NBEA: variants seen among roughly 807,000 people sequenced by gnomAD.
The protein encoded by NBEA is lysosomal-trafficking regulator 2.
A neutral mutation model predicts 343.4 loss-of-function variants in NBEA; 44 were observed. The ratio of observed to expected loss-of-function variants is 0.13; its 90% CI spans 0.10 to 0.16. The LOEUF (loss-of-function observed/expected upper bound fraction) is 0.16, where lower values mean the gene tolerates loss of function less well. Among genes scored for constraint, NBEA ranks in the 10% least tolerant of loss-of-function variants. NBEA has a pLI of 1.00. For missense variants in NBEA, 2,555 were observed against 3,631.3 expected (o/e 0.70, Z 7.62); for synonymous variants, 1,175 against 1,238.7 (o/e 0.95, Z 1.08).
intron 37 of NBEA, among the ~76,000 whole-genome samples, chr13:35,350,503 T>A (rs1438784937): frequency 6.6e-6 from 1 of 152,076 alleles, no homozygotes; most frequent in Non-Finnish European, 1.5e-5. Context: ...ACACCAATTT[T>A]TCACTCTTAG....
At chr13:34,954,073 T>C (rs909065499) in intron 1 of NBEA, among the ~76,000 whole-genome samples, 1 of 152,174 alleles carries the variant, frequency 6.6e-6, no homozygotes, top group African/African-American at 2.4e-5. Flanking sequence ...GCCAAAAAGG[T>C]TGGGGATCGC....
rs759250642 is a variant in NBEA at position 35,667,489 on chromosome 13, A to G, written c.8580A>G (p.Ile2860Met). 2 of 1,614,030 alleles carry G rather than the reference A, an allele frequency of 1.2e-6. No individual in the cohort carries two copies. Among genetic ancestry groups the G allele is most frequent in the Non-Finnish European group, 8.5e-7 (1 of 1,179,884 alleles). ...ISVSSEGHCI[I>M]YYERGRFSNF... ...TCTCCAGCGAAGGCCACTGTATCAT[A>G]TACTATGAACGAGGGCGATTCAGTA... is the stretch of plus-strand genomic sequence containing the variant. Residue 2860 changes from isoleucine to methionine, a missense_variant, in exon 57 of 59, where the codon ATA becomes ATG. Ile to Met is a conservative substitution (Grantham distance 10). Transcript: ENST00000379939.
chr13:35,013,810 G>A (rs1257181157), intron 1 of NBEA, among the ~76,000 whole-genome samples: 2 of 151,974 alleles, frequency 1.3e-5, no homozygotes, highest in Non-Finnish European at 2.9e-5. Flanking sequence ...GCTACATTTT[G>A]CTTTTAGTTT....
intron 1 of NBEA, among the ~76,000 whole-genome samples, chr13:34,969,728 C>A (rs2059940063): frequency 6.6e-6 from 1 of 151,322 alleles, no homozygotes; most frequent in South Asian, 2.1e-4. Flanking sequence ...TTATCTCATT[C>A]TTTTTTATGG....
chr13:35,566,005 A>G (rs2080120506), intron 44 of NBEA, among the ~76,000 whole-genome samples: 1 of 152,208 alleles, frequency 6.6e-6, no homozygotes, highest in South Asian at 2.1e-4. Context: ...CATTCTTGAT[A>G]TAAGTTTAAC....
intron 55 of NBEA, 101 bp from the exon 56 acceptor site, chr13:35,664,984 C>A: frequency 1.3e-6 from 1 of 776,482 alleles, no homozygotes; most frequent in Non-Finnish European, 2.2e-6. Flanking sequence ...AATAATAATG[C>A]CCTTAATAAA....
chr13:35,664,632 T>TCCAA (rs1201567893), intron 55 of NBEA, among the ~76,000 whole-genome samples: 1 of 152,216 alleles, frequency 6.6e-6, no homozygotes, highest in Admixed American at 6.5e-5. Flanking sequence ...TAGGTTCAAT[T>TCCAA]CCAACCCTTA....
Position 35,278,092 on chromosome 13 carries a change from AAT to A in NBEA, c.5777-12283_5777-12282del, listed in dbSNP as rs979139312. ...ACAAGAGCAAAACTCCATCTCAAAA[AAT>A]ATATATATATATAAAATATATATAT... On this transcript the variant is annotated intron_variant, in intron 34 of 58. Coordinates refer to ENST00000379939, the MANE Select transcript of NBEA (RefSeq NM_001385012.1). Among the ~76,000 whole-genome samples, 8 of 147,738 alleles carry A rather than the reference AAT, an allele frequency of 5.4e-5. No individual in the cohort carries two copies. The East Asian group carries it at 7.8e-4, about 14-fold the overall frequency.
chr13:34,971,329 A>C (rs2059990982), intron 1 of NBEA, among the ~76,000 whole-genome samples: 1 of 152,082 alleles, frequency 6.6e-6, no homozygotes, highest in East Asian at 1.9e-4. Flanking sequence ...AAACAGGGTT[A>C]GTTTGACTCC....
chr13:35,343,649 C>T (rs1210428229), intron 36 of NBEA, among the ~76,000 whole-genome samples: 1 of 152,092 alleles, frequency 6.6e-6, no homozygotes, highest in East Asian at 1.9e-4. Flanking sequence ...TGAGCTCCGC[C>T]TCCTGTCAGA....
intron 49 of NBEA, among the ~76,000 whole-genome samples, chr13:35,636,449 A>G (rs538421294): frequency 2.6e-5 from 4 of 152,308 alleles, no homozygotes; most frequent in Admixed American, 1.3e-4. Flanking sequence ...TCAATTTGGA[A>G]TATTTATACC....
At chr13:35,578,568 G>A (rs897683073) in intron 45 of NBEA, among the ~76,000 whole-genome samples, 3 of 152,272 alleles carry the variant, frequency 2.0e-5, no homozygotes, top group Middle Eastern at 3.4e-3. Flanking sequence ...GTGGAATGTG[G>A]AGACCCAGGT....
intron 11 of NBEA, among the ~76,000 whole-genome samples, chr13:35,107,098 A>G (rs1272167444): frequency 6.6e-6 from 1 of 151,918 alleles, no homozygotes; most frequent in Non-Finnish European, 1.5e-5. Context: ...GTATAAGATA[A>G]GCTATGTGAA....
At chr13:35,048,706 A>G in intron 5 of NBEA, 22 bp downstream of exon 5, 1 of 1,214,302 alleles carries the variant, frequency 8.2e-7, no homozygotes, top group Admixed American at 2.4e-5. Context: ...GTTTAATTTT[A>G]GTACTTTTTT....
intron 36 of NBEA, among the ~76,000 whole-genome samples, chr13:35,331,457 C>T (rs9530457): frequency 0.46 from 69,167 of 151,822 alleles, 18,909 homozygotes; most frequent in Non-Finnish European, 0.59. Flanking sequence ...AACAACAGAA[C>T]GTAGATACAA....
intron 13 of NBEA, among the ~76,000 whole-genome samples, chr13:35,112,866 C>A (rs987380076): frequency 1.3e-5 from 2 of 151,956 alleles, no homozygotes; most frequent in African/African-American, 4.8e-5. Flanking sequence ...TGTGTATTTC[C>A]TGAAAGGTAA....
chr13:35,648,805 A>G (rs564902733), intron 51 of NBEA, among the ~76,000 whole-genome samples: 89 of 151,862 alleles, frequency 5.9e-4, no homozygotes, highest in Non-Finnish European at 1.1e-3. Flanking sequence ...CTAAAAACAG[A>G]AAGAAGAAAA....
chr13:35,574,230 T>C (rs1316424365), intron 45 of NBEA, among the ~76,000 whole-genome samples: 2 of 151,146 alleles, frequency 1.3e-5, no homozygotes, highest in Non-Finnish European at 2.9e-5. Flanking sequence ...ACTGGTTATA[T>C]AGATTGCATT....
intron 38 of NBEA, among the ~76,000 whole-genome samples, chr13:35,418,649 A>T (rs565062950): frequency 6.6e-6 from 1 of 152,194 alleles, no homozygotes; most frequent in African/African-American, 2.4e-5. Flanking sequence ...ACAGATGATG[A>T]TATCCTAGAT....
Sources: gnomAD v4.1 joint callset for allele counts (sites outside exome capture counted in the v4.1 genomes callset) on GRCh38, gnomAD v4.1.1 for gene constraint, MANE v1.5 for transcripts, NCBI Gene and HGNC (gene_info 2026-07-23, HGNC 2026-07-21) for gene names.